Variants in CSF1R observed in about 807,000 individuals in gnomAD.
CSF1R encodes the protein macrophage colony-stimulating factor 1 receptor.
Under a neutral mutation model 110.0 loss-of-function variants are expected in CSF1R, and 40 were observed. The ratio of observed to expected loss-of-function variants is 0.36; its 90% CI spans 0.28 to 0.47. The LOEUF is 0.47. Ranked by LOEUF, CSF1R falls within the 20% of genes least tolerant of loss-of-function variation. The pLI, the probability that CSF1R is intolerant of heterozygous loss-of-function variation, is 0.99. For missense variants in CSF1R, 1,052 were observed against 1,253.0 expected, an observed-to-expected ratio of 0.84 and a Z score of 2.42; for synonymous variants, 523 against 503.4, an observed-to-expected ratio of 1.04 and a Z score of -0.52.
In CSF1R at chr5:150,070,083, G is replaced by T; in HGVS notation, c.1320-20C>A. 1 of 1,611,644 alleles carries T rather than the reference G, an allele frequency of 6.2e-7. No individual in the cohort carries two copies. The highest frequency in any genetic ancestry group is 8.5e-7 in the Non-Finnish European group (1 of 1,178,236). On this transcript the variant is annotated intron_variant, in intron 8 of 20. Coordinates refer to ENST00000675795, the MANE Select transcript of CSF1R (RefSeq NM_001288705.3). ...TCACACCTGGCAAAAGCAGAATGTG[G>T]CTCAGAGCTTCAGGGTTCCCAGCGC...
intron 4 of CSF1R, among the ~76,000 whole-genome samples, chr5:150,077,857 T>C (rs550504743): frequency 6.6e-6 from 1 of 152,212 alleles, no homozygotes; most frequent in Admixed American, 6.5e-5. Context: ...GCAAAGGCCA[T>C]GTGTCAAGGT....
intron 1 of CSF1R, among the ~76,000 whole-genome samples, chr5:150,081,810 G>A (rs1053876666): frequency 2.6e-5 from 4 of 152,184 alleles, no homozygotes; most frequent in African/African-American, 9.7e-5. Context: ...CTCTTTTAAG[G>A]AAAATTTTCT....
chr5:150,059,255 G>C (rs1306627643), intron 14 of CSF1R, among the ~76,000 whole-genome samples: 1 of 152,060 alleles, frequency 6.6e-6, no homozygotes, highest in African/African-American at 2.4e-5. Flanking sequence ...TGTTGGTAAG[G>C]CTGGTCTCGA....
chr5:150,080,452 C>A, intron 2 of CSF1R, 116 bp from the exon 3 acceptor site: 3 of 1,334,980 alleles, frequency 2.2e-6, no homozygotes, highest in Non-Finnish European at 3.0e-6. Context: ...GAGGTCACAC[C>A]ACGCCAGGAC....
intron 1 of CSF1R, among the ~76,000 whole-genome samples, chr5:150,082,083 C>G (rs1758573663): frequency 6.6e-6 from 1 of 152,220 alleles, no homozygotes; most frequent in Non-Finnish European, 1.5e-5. Flanking sequence ...CCCCAGCCTC[C>G]TAGCCACTCT....
chr5:150,061,605 A>C lies in CSF1R; in HGVS notation c.1754-10T>G. On this transcript the variant is annotated splice_polypyrimidine_tract_variant and intron_variant, in intron 11 of 20. Coordinates refer to ENST00000675795, the MANE Select transcript of CSF1R (RefSeq NM_001288705.3). ...GCTCCGAGGGTCTTACCTGCCACGC[A>C]CACAGGTCCCTTAAGTCCCTGGGCA... 1 of 1,614,054 alleles carries C rather than the reference A, an allele frequency of 6.2e-7. No individual in the cohort carries two copies. Among genetic ancestry groups the C allele is most frequent in the South Asian group, 1.1e-5 (1 of 91,072 alleles).
At chr5:150,096,876 C>T (rs921298451) in intron 1 of CSF1R, among the ~76,000 whole-genome samples, 2 of 152,186 alleles carry the variant, frequency 1.3e-5, no homozygotes, top group Non-Finnish European at 1.5e-5. Context: ...TATATTTTCC[C>T]TCTAAGATGA....
chr5:150,106,606 G>A (rs1759563138), intron 1 of CSF1R, among the ~76,000 whole-genome samples: 1 of 152,176 alleles, frequency 6.6e-6, no homozygotes, highest in African/African-American at 2.4e-5. Flanking sequence ...TTGAGCTCTA[G>A]TGTCTGAATT....
At chr5:150,096,655 TAA>T (rs1759233749) in intron 1 of CSF1R, among the ~76,000 whole-genome samples, 1 of 152,210 alleles carries the variant, frequency 6.6e-6, no homozygotes, top group Non-Finnish European at 1.5e-5. Flanking sequence ...GTATTTATTA[TAA>T]GAGTTAAAGG....
chr5:150,085,789 G>C (rs1432571264), intron 1 of CSF1R, among the ~76,000 whole-genome samples: 1 of 151,988 alleles, frequency 6.6e-6, no homozygotes, highest in Non-Finnish European at 1.5e-5. Flanking sequence ...CCCCTATCAG[G>C]CCCTTCCAAA....
At position 150,053,857 on chromosome 5, in the gene CSF1R, C is replaced by G; in HGVS notation, c.*212G>C. ...GGGAGGGGGGGGTGAGGGCTCAGCCCCCAGCCCCTGACTGGCAGTGATGGC... is the reference window on the plus strand; with the variant it reads ...GGGAGGGGGGGGTGAGGGCTCAGCCGCCAGCCCCTGACTGGCAGTGATGGC... On this transcript the variant is annotated 3_prime_UTR_variant, in exon 21 of 21. Transcript: ENST00000675795. 1.6e-6 allele frequency: 1 copy of G among 606,542 alleles called. No individual in the cohort carries two copies. Among genetic ancestry groups the G allele is most frequent in the Non-Finnish European group, 2.9e-6 (1 of 342,006 alleles). 37.6% of individuals were successfully genotyped at this position (606,542 alleles called of 1,614,324 possible).
In CSF1R at chr5:150,054,083, AGTT is replaced by A; in HGVS notation, c.2902_2904del (p.Asn968del). 1 of 1,614,096 alleles carries A rather than the reference AGTT, an allele frequency of 6.2e-7. No individual in the cohort carries two copies. Among genetic ancestry groups the A allele is most frequent in the South Asian group, 1.1e-5 (1 of 91,060 alleles). On this transcript the variant is annotated inframe_deletion, in exon 21 of 21. Coordinates refer to ENST00000675795, the MANE Select transcript of CSF1R (RefSeq NM_001288705.3). ...TCGTCAACTCCTCAGCAGAACTGAT[AGTT>A]GTTGGGCTGCAGCAAGGGCTGGGCG...
intron 1 of CSF1R, among the ~76,000 whole-genome samples, chr5:150,107,976 ACTGGGG>A (rs980206821): frequency 6.6e-6 from 1 of 152,186 alleles, no homozygotes; most frequent in Non-Finnish European, 1.5e-5. Context: ...GAACCAGGCC[ACTGGGG>A]GAGTTGCAAG....
At position 150,095,176 on chromosome 5, in the gene CSF1R, A is replaced by G. The variant is rs929827620; in HGVS notation, c.-180-8569T>C. On this transcript the variant is annotated intron_variant, in intron 1 of 21. Coordinates refer to the CSF1R transcript ENST00000286301. ...ACATGAAACAAAACTGATAGACCCG[A>G]AAGGAGAGATATAAAAATCTCTTGT... 5 of 631,116 alleles carry G rather than the reference A, an allele frequency of 7.9e-6. No individual in the cohort carries two copies. In the Admixed American group the frequency reaches 1.5e-4, roughly 19 times the overall value. 39.1% of individuals were successfully genotyped at this position (631,116 alleles called of 1,614,324 possible).
intron 1 of CSF1R, chr5:150,098,406 G>A (rs1759291334): frequency 6.6e-6 from 1 of 152,582 alleles, no homozygotes; most frequent in South Asian, 2.1e-4. Context: ...AAAAAAAATA[G>A]GCTGTCTGAG....
chr5:150,060,322 G>A lies in CSF1R; in HGVS notation c.1970-460C>T, dbSNP rs1181551006. The stretch of plus-strand genomic sequence containing the variant: ...AGCCTGGGTGACAGAGTGAGGCTCC[G>A]TCTCAAGAAAAAAAAAACAAAAAAT... On this transcript the variant is annotated intron_variant, in intron 13 of 20. Transcript: ENST00000675795. Among the ~76,000 whole-genome samples the A allele has an allele frequency of 2.7e-5, 4 of 145,804 alleles. 1 individual carries two copies. Among genetic ancestry groups the A allele is most frequent in the Admixed American group, 2.1e-4 (3 of 14,484 alleles).
chr5:150,054,429 A>G lies in CSF1R; in HGVS notation c.2656T>C (p.Tyr886His). The change falls in exon 20 of 21, where the codon TAC (tyrosine) becomes CAC (histidine). Residue 886 changes from tyrosine to histidine, a missense_variant and splice_region_variant. By Grantham distance (83) the Tyr-to-His change is moderately conservative (BLOSUM62 2). Around this residue, in one of 5 missense-constraint regions of CSF1R, gnomAD observed 74 missense variants for 187.4 expected, o/e 0.39. Coordinates refer to ENST00000675795, the MANE Select transcript of CSF1R (RefSeq NM_001288705.3). ...GCCCAGCAGGCCTGCATGATGCTGT[A>G]TCTGGGAGATAGGACAGAGGATGCC... ...AQPAFAPKNI[Y>H]SIMQACWALE... 6.2e-7 allele frequency: 1 copy of G among 1,610,722 alleles called. No individual in the cohort carries two copies. Among genetic ancestry groups the G allele is most frequent in the Non-Finnish European group, 8.5e-7 (1 of 1,178,144 alleles).
intron 10 of CSF1R, among the ~76,000 whole-genome samples, chr5:150,062,667 C>T (rs1027615881): frequency 3.3e-5 from 5 of 152,194 alleles, no homozygotes; most frequent in South Asian, 2.1e-4. Context: ...TGTCAGGCAC[C>T]GCTGATTCAG....
chr5:150,061,889 C>G (rs761995520), intron 10 of CSF1R, 40 bp from the exon 11 acceptor site: 1 of 1,612,846 alleles, frequency 6.2e-7, no homozygotes, highest in Non-Finnish European at 8.5e-7. Context: ...TCGGGGCTGG[C>G]AGGCAGTTCC....
Sources: gnomAD v4.1 joint callset for allele counts (sites outside exome capture counted in the v4.1 genomes callset) on GRCh38, gnomAD v4.1.1 for gene constraint, gnomAD v4.1.1 regional missense constraint, MANE v1.5 for transcripts, NCBI Gene and HGNC (gene_info 2026-07-23, HGNC 2026-07-21) for gene names.